ATXN7L1: variants seen among roughly 807,000 people sequenced by gnomAD.
ATXN7L1 encodes the protein ataxin 7 like 1.
In ATXN7L1, 15 loss-of-function variants were observed where a neutral mutation model predicts 70.8. The ratio of observed to expected loss-of-function variants is 0.21; its 90% CI spans 0.14 to 0.33. The LOEUF is 0.33. ATXN7L1 is among the 10% of genes least tolerant of loss of function. ATXN7L1 has a pLI of 1.00. For missense variants in ATXN7L1, 975 were observed against 1,097.1 expected (o/e 0.89, Z 1.57); for synonymous variants, 440 against 445.1 (o/e 0.99, Z 0.14).
chr7:105,870,505 T>C lies in ATXN7L1; in HGVS notation c.250+5307A>G, dbSNP rs965565147. Among the ~76,000 whole-genome samples, 3 of 152,226 alleles carry C rather than the reference T, an allele frequency of 2.0e-5. No individual in the cohort carries two copies. The East Asian group carries it at 5.8e-4, about 29-fold the overall frequency. The stretch of plus-strand genomic sequence containing the variant: ...GTAAAAGCCAACATTCATTAAGCAC[T>C]TACTATGTGCTAAGCCCTTTTGTAT... On this transcript the variant is annotated intron_variant, in intron 2 of 11. Transcript: ENST00000419735.
intron 2 of ATXN7L1, among the ~76,000 whole-genome samples, chr7:105,815,069 C>T (rs551324933): frequency 2.0e-5 from 3 of 152,330 alleles, no homozygotes; most frequent in Admixed American, 1.3e-4. Context: ...CCTCTATCCC[C>T]ATGTCAGTTT....
At chr7:105,820,966 C>A (rs1017958897) in intron 2 of ATXN7L1, among the ~76,000 whole-genome samples, 1 of 152,176 alleles carries the variant, frequency 6.6e-6, no homozygotes, top group Admixed American at 6.5e-5. Context: ...TACCAGATGC[C>A]GAGCAGGTGT....
At chr7:105,663,233 C>T (rs1260133904) in intron 4 of ATXN7L1, among the ~76,000 whole-genome samples, 1 of 152,220 alleles carries the variant, frequency 6.6e-6, no homozygotes, top group East Asian at 1.9e-4. Context: ...TAACCAGCTA[C>T]AGCCTCCTGC....
At chr7:105,666,958 G>A (rs752838432) in intron 3 of ATXN7L1, among the ~76,000 whole-genome samples, 5 of 152,068 alleles carry the variant, frequency 3.3e-5, no homozygotes, top group Non-Finnish European at 7.4e-5. Flanking sequence ...GAATGAAGTG[G>A]GTCCCTAGAT....
chr7:105,819,773 GC>G (rs941918380), intron 2 of ATXN7L1: 2 of 696,764 alleles, frequency 2.9e-6, no homozygotes, highest in African/African-American at 3.6e-5. Flanking sequence ...ACAAAGCAAG[GC>G]CGGGCCGCCC....
At chr7:105,700,774 T>C (rs1792349600) in intron 3 of ATXN7L1, among the ~76,000 whole-genome samples, 1 of 151,992 alleles carries the variant, frequency 6.6e-6, no homozygotes, top group African/African-American at 2.4e-5. Context: ...CTCCACCTCC[T>C]GGGCTCAAGT....
chr7:105,707,141 TG>T (rs1406176959), intron 3 of ATXN7L1, among the ~76,000 whole-genome samples: 1 of 152,180 alleles, frequency 6.6e-6, no homozygotes, highest in Non-Finnish European at 1.5e-5. Context: ...TCAGGAATAC[TG>T]GGCTTCCTGG....
chr7:105,620,386 A>T, intron 8 of ATXN7L1, 65 bp from the exon 9 acceptor site: 1 of 1,431,726 alleles, frequency 7.0e-7, no homozygotes, highest in Non-Finnish European at 9.3e-7. Context: ...CTATACAGAG[A>T]AAAATAACAT....
At chr7:105,843,147 T>C (rs1459604603) in intron 2 of ATXN7L1, among the ~76,000 whole-genome samples, 1 of 152,166 alleles carries the variant, frequency 6.6e-6, no homozygotes, top group Non-Finnish European at 1.5e-5. Flanking sequence ...CAGGGTCCTT[T>C]GGTCATTTCC....
intron 2 of ATXN7L1, among the ~76,000 whole-genome samples, chr7:105,870,182 T>C (rs1818044061): frequency 6.6e-6 from 1 of 151,242 alleles, no homozygotes; most frequent in African/African-American, 2.4e-5. Context: ...CTCGGGAGCC[T>C]GAGGCAGGAG....
intron 4 of ATXN7L1, among the ~76,000 whole-genome samples, chr7:105,650,509 C>T (rs1799675798): frequency 6.6e-6 from 1 of 152,246 alleles, no homozygotes. Context: ...TTCTCTCCCA[C>T]ATAACACACC....
intron 2 of ATXN7L1, among the ~76,000 whole-genome samples, chr7:105,833,579 T>G (rs1811950298): frequency 1.3e-5 from 2 of 151,386 alleles, no homozygotes; most frequent in Non-Finnish European, 3.0e-5. Context: ...TTGGTAATGT[T>G]CTATATCTTA....
chr7:105,790,650 CTATCATCT>C (rs1407479959), intron 2 of ATXN7L1, among the ~76,000 whole-genome samples: 2 of 149,390 alleles, frequency 1.3e-5, no homozygotes, highest in African/African-American at 5.0e-5. Context: ...ATCTATCTAT[CTATCATCT>C]ATCTACTATC....
chr7:105,671,889 CAAAAAAAAA>C (rs55748938), intron 3 of ATXN7L1, among the ~76,000 whole-genome samples: 2 of 56,430 alleles, frequency 3.5e-5, no homozygotes, highest in African/African-American at 7.6e-5. Context: ...GACCCTGTCT[CAAAAAAAAA>C]AAAAAAAAAA....
chr7:105,628,938 G>T (rs1273668140), intron 7 of ATXN7L1, among the ~76,000 whole-genome samples: 1 of 9,754 alleles, frequency 1.0e-4, no homozygotes, highest in African/African-American at 1.3e-4. Context: ...ACAGTTACCG[G>T]GTTTTTTTTT....
rs919558042 is a variant in ATXN7L1, at chr7:105,614,695, G to A, written c.1639C>T (p.Pro547Ser). ...NPSAVYLPSAPISSRLTSSYI... is the reference protein window; with the variant it reads ...NPSAVYLPSASISSRLTSSYI... ...GAAGAGGTGAGCCTCGAGCTGATGG[G>A]AGCTGAAGGAAGATACACAGCACTG... The change falls in exon 10 of 12, where the codon CCC (proline) becomes TCC (serine). Residue 547 changes from proline to serine, a missense_variant. Physicochemically the swap from Pro to Ser is moderately conservative, Grantham distance 74. Transcript: ENST00000419735. The surrounding 1 kb of genome is among the most constrained non-coding windows in gnomAD (Gnocchi z 4.3). 3 of 1,551,662 alleles carry A rather than the reference G, an allele frequency of 1.9e-6. No individual in the cohort carries two copies. The highest frequency in any genetic ancestry group is 2.0e-5 in the Admixed American group (1 of 50,976).
intron 3 of ATXN7L1, among the ~76,000 whole-genome samples, chr7:105,698,092 G>A (rs952539062): frequency 1.3e-5 from 2 of 152,094 alleles, no homozygotes; most frequent in Non-Finnish European, 2.9e-5. Context: ...GTAGCTGTGG[G>A]GGCTATTGGT....
intron 3 of ATXN7L1, among the ~76,000 whole-genome samples, chr7:105,749,151 C>T (rs1798908675): frequency 1.3e-5 from 2 of 151,986 alleles, no homozygotes; most frequent in South Asian, 4.1e-4. Context: ...ATTCTGTCTG[C>T]ACAGGCCAAG....
At chr7:105,844,551 C>A (rs983578371) in intron 2 of ATXN7L1, among the ~76,000 whole-genome samples, 5 of 152,060 alleles carry the variant, frequency 3.3e-5, no homozygotes, top group Non-Finnish European at 5.9e-5. Context: ...AAACACTCAA[C>A]CAACAAGAAT....
Sources: gnomAD v4.1 joint callset for allele counts (sites outside exome capture counted in the v4.1 genomes callset) on GRCh38, gnomAD v4.1.1 for gene constraint, Gnocchi (gnomAD v3.1) non-coding constraint, MANE v1.5 for transcripts, NCBI Gene and HGNC (gene_info 2026-07-23, HGNC 2026-07-21) for gene names.